The following POLR1A variants were observed in gnomAD, a reference collection of about 807,000 sequenced individuals.
POLR1A encodes the protein DNA-directed RNA polymerase I subunit RPA1.
In POLR1A, 84 loss-of-function variants were observed where a neutral mutation model predicts 205.3. The ratio of observed to expected loss-of-function variants is 0.41; its 90% CI spans 0.34 to 0.49. POLR1A has a LOEUF of 0.49. POLR1A is among the 20% of genes least tolerant of loss of function. POLR1A has a pLI of 0.22. For synonymous variants in POLR1A, 799 were observed against 863.7 expected, an observed-to-expected ratio of 0.93 and a Z score of 1.31; for missense variants, 1,645 against 2,204.5, an observed-to-expected ratio of 0.75 and a Z score of 5.08.
At chr2:86,088,744 C>A (rs767904650) in intron 5 of POLR1A, 41 bp downstream of exon 5, 6 of 1,592,026 alleles carry the variant, frequency 3.8e-6, no homozygotes, top group Non-Finnish European at 4.3e-6. Flanking sequence ...TGAGTGACTG[C>A]CCAGAGACGT....
rs1194747908 is a variant in POLR1A at position 86,032,344 on chromosome 2, A to G, written c.4200T>C (p.Ile1400=). ...QEGDEEEEGH[I]VDAEAEEGDA... is the part of the protein sequence containing the mutation. ...CCCCCTCCTCAGCTTCAGCATCCACAATGTGCCCCTCCTCTTCCTCATCAC... is the reference window on the plus strand; with the variant it reads ...CCCCCTCCTCAGCTTCAGCATCCACGATGTGCCCCTCCTCTTCCTCATCAC... Residue 1400 remains isoleucine (I), a synonymous_variant, in exon 29 of 34, where the codon ATT becomes ATC. Coordinates refer to ENST00000263857, the MANE Select transcript of POLR1A (RefSeq NM_015425.6). 1 of 1,613,368 alleles carries G rather than the reference A, an allele frequency of 6.2e-7. No homozygotes were observed. Among genetic ancestry groups the G allele is most frequent in the African/African-American group, 1.3e-5 (1 of 74,930 alleles).
rs943612158 is a variant in POLR1A at position 86,023,256 on chromosome 2, T to G, written c.*4167A>C. 10 of 152,174 alleles carry G rather than the reference T, an allele frequency of 6.6e-5. No individual in the cohort carries two copies. The highest frequency in any genetic ancestry group is 1.2e-4 in the Non-Finnish European group (8 of 68,026). 9.4% of individuals were successfully genotyped at this position (152,174 alleles called of 1,614,324 possible). ...CAGCAACTCTGTGACCTATCTAAACTACACAACCTCAAGGGCAGGCTGTGG... is the reference window on the plus strand; with the variant it reads ...CAGCAACTCTGTGACCTATCTAAACGACACAACCTCAAGGGCAGGCTGTGG... On this transcript the variant is annotated 3_prime_UTR_variant, in exon 34 of 34. Transcript: ENST00000263857.
At chr2:86,077,248 A>T (rs1048791644) in intron 11 of POLR1A, among the ~76,000 whole-genome samples, 1 of 152,228 alleles carries the variant, frequency 6.6e-6, no homozygotes, top group Non-Finnish European at 1.5e-5. Context: ...GCACCACAGC[A>T]TGAAGTGCTA....
At chr2:86,097,074 T>C (rs1029097534) in intron 3 of POLR1A, among the ~76,000 whole-genome samples, 1 of 151,834 alleles carries the variant, frequency 6.6e-6, no homozygotes, top group Non-Finnish European at 1.5e-5. Flanking sequence ...TGAACAAACA[T>C]TTCTCAAAAC....
chr2:86,059,305 A>C (rs564886002), intron 14 of POLR1A, among the ~76,000 whole-genome samples: 4 of 152,314 alleles, frequency 2.6e-5, no homozygotes, highest in Admixed American at 2.6e-4. Flanking sequence ...GTGTGGTCCC[A>C]ATGAAAAAGC....
chr2:86,095,382 C>G (rs1298240162), intron 3 of POLR1A, among the ~76,000 whole-genome samples: 1 of 152,148 alleles, frequency 6.6e-6, no homozygotes, highest in Admixed American at 6.5e-5. Flanking sequence ...TGGAAAGGAA[C>G]AAAAAGGCCA....
chr2:86,045,569 A>G, intron 20 of POLR1A, 48 bp downstream of exon 20: 1 of 1,599,498 alleles, frequency 6.3e-7, no homozygotes, highest in Non-Finnish European at 8.6e-7. Context: ...CCTACAATTA[A>G]GCCTAGAAAT....
intron 28 of POLR1A, 106 bp downstream of exon 28, chr2:86,033,555 G>A: frequency 6.4e-6 from 8 of 1,257,364 alleles, no homozygotes; most frequent in Non-Finnish European, 8.9e-6. Context: ...TAGGAGATGG[G>A]CCAGCACCAG....
At chr2:86,067,694 AAATTACCTCAAAATACTGGTTTT>A (rs887542953) in intron 13 of POLR1A, among the ~76,000 whole-genome samples, 3 of 152,228 alleles carry the variant, frequency 2.0e-5, no homozygotes, top group African/African-American at 7.2e-5. Flanking sequence ...ATGCTAAGAA[AAATTACCTCAAAATACTGGTTTT>A]CCTAGTTTAA....
chr2:86,067,997 C>T lies in POLR1A; in HGVS notation c.1866+2021G>A, dbSNP rs551755183. On this transcript the variant is annotated intron_variant, in intron 13 of 33. Coordinates refer to ENST00000263857, the MANE Select transcript of POLR1A (RefSeq NM_015425.6). ...TGTTCTCCTGCCTCCCTTAAGTGTA[C>T]GCCCAACCTAAAACTCATAGGCATA... Among the ~76,000 whole-genome samples, 9 of 152,184 alleles carry T rather than the reference C, an allele frequency of 5.9e-5. No homozygotes were observed. In the South Asian group the frequency reaches 1.5e-3, roughly 25 times the overall value.
chr2:86,082,357 T>C (rs1338361022), intron 7 of POLR1A, among the ~76,000 whole-genome samples: 1 of 152,058 alleles, frequency 6.6e-6, no homozygotes, highest in Non-Finnish European at 1.5e-5. Context: ...TCATAAAAAA[T>C]ATGTTGAATA....
Position 86,039,715 on chromosome 2 carries a change from C to G in POLR1A, c.3741-253G>C, listed in dbSNP as rs558669144. Among the ~76,000 whole-genome samples, 5 of 152,240 alleles carry G rather than the reference C, an allele frequency of 3.3e-5. No homozygotes were observed. In the South Asian group the frequency reaches 8.3e-4, roughly 25 times the overall value. ...TTTGTCTGATTCTTGTTTCCTATCACCTGTGCCTTGCAAACAACAGGTGCC... is the reference window on the plus strand; with the variant it reads ...TTTGTCTGATTCTTGTTTCCTATCAGCTGTGCCTTGCAAACAACAGGTGCC... On this transcript the variant is annotated intron_variant, in intron 25 of 33. Transcript: ENST00000263857.
chr2:86,051,088 G>C (rs1369280146), intron 16 of POLR1A, among the ~76,000 whole-genome samples: 1 of 152,140 alleles, frequency 6.6e-6, no homozygotes, highest in African/African-American at 2.4e-5. Context: ...ATAGGAACTG[G>C]TTAAATAAAC....
At chr2:86,045,214 T>C in intron 21 of POLR1A, 64 bp downstream of exon 21, 1 of 1,053,356 alleles carries the variant, frequency 9.5e-7, no homozygotes, top group East Asian at 2.4e-5. Context: ...TGATATAATG[T>C]GAAAGATGAT....
At chr2:86,052,508 C>G (rs757622255) in intron 16 of POLR1A, among the ~76,000 whole-genome samples, 3 of 152,130 alleles carry the variant, frequency 2.0e-5, no homozygotes, top group Non-Finnish European at 2.9e-5. Context: ...GTAGGAGGAG[C>G]CTGGTTACTT....
At chr2:86,093,690 T>TC (rs1269010073) in intron 3 of POLR1A, among the ~76,000 whole-genome samples, 17 of 151,668 alleles carry the variant, frequency 1.1e-4, no homozygotes, top group African/African-American at 3.9e-4. Context: ...ATTAGCCGGG[T>TC]GTGGTGGTGC....
At position 86,066,302 on chromosome 2, in the gene POLR1A, T is replaced by C. The variant is rs377175095; in HGVS notation, c.1867-837A>G. On this transcript the variant is annotated intron_variant, in intron 13 of 33. Transcript: ENST00000263857. ...TCACAACACAGCACAGGGTTCATGG[T>C]GGGCCCTTAATAAAGGCTGTTATCT... 5.9e-5 allele frequency among the ~76,000 whole-genome samples: 9 copies of C among 152,136 alleles called. No homozygotes were observed. In the East Asian group the frequency reaches 7.7e-4, roughly 13 times the overall value.
rs1378125280 is a variant in POLR1A, at chr2:86,026,223, G to A, written c.*1200C>T. The A allele has an allele frequency of 1.3e-5, 2 of 152,254 alleles. No individual in the cohort carries two copies. The highest frequency in any genetic ancestry group is 4.8e-5 in the African/African-American group (2 of 41,446). The allele number at this position is 152,254 out of a possible 1,614,324, so 9.4% of individuals were successfully genotyped here. A position where few individuals can be genotyped will look rare whatever the true frequency, so the allele number is the denominator to read the frequency against. On this transcript the variant is annotated 3_prime_UTR_variant, in exon 34 of 34. Coordinates refer to ENST00000263857, the MANE Select transcript of POLR1A (RefSeq NM_015425.6). ...CTGAGCTCTTCCCCCTAAGGCCTCA[G>A]ACAAGAAAGCACAGGAAGAGGGACC...
chr2:86,084,408 C>A (rs993248426), intron 6 of POLR1A, among the ~76,000 whole-genome samples: 3 of 151,174 alleles, frequency 2.0e-5, no homozygotes, highest in Admixed American at 6.6e-5. Flanking sequence ...CAAAGTGAGA[C>A]CCTGTCTCAA....
Sources: gnomAD v4.1 joint callset for allele counts (sites outside exome capture counted in the v4.1 genomes callset) on GRCh38, gnomAD v4.1.1 for gene constraint, MANE v1.5 for transcripts, NCBI Gene and HGNC (gene_info 2026-07-23, HGNC 2026-07-21) for gene names.